HNF4G: variants seen among roughly 807,000 people sequenced by gnomAD.
The protein encoded by HNF4G is hepatocyte nuclear factor 4 gamma.
A neutral mutation model predicts 50.9 loss-of-function variants in HNF4G; 21 were observed. The observed-to-expected ratio is 0.41, with a 90% CI of 0.29 to 0.59. The LOEUF (loss-of-function observed/expected upper bound fraction) is 0.59, where lower values mean the gene tolerates loss of function less well. HNF4G is among the 20% of genes least tolerant of loss of function. The pLI, the probability that HNF4G is intolerant of heterozygous loss-of-function variation, is 0.26. For missense variants in HNF4G, 527 were observed against 559.4 expected (o/e 0.94, Z 0.58); for synonymous variants, 198 against 185.6 (o/e 1.07, Z -0.54).
At chr8:75,449,013 G>A (rs1339246441) in intron 1 of HNF4G, among the ~76,000 whole-genome samples, 1 of 152,116 alleles carries the variant, frequency 6.6e-6, no homozygotes, top group Non-Finnish European at 1.5e-5. Context: ...GAGATTTGGG[G>A]GGGTATAGCA....
At chr8:75,537,607 G>A (rs1305670290), upstream of HNF4G, among the ~76,000 whole-genome samples, 2 of 151,956 alleles carry the variant, frequency 1.3e-5, no homozygotes, top group African/African-American at 4.8e-5. Context: ...GTAGATAAAA[G>A]CAAATCGACT....
chr8:75,461,925 TATA>T lies in HNF4G; in HGVS notation c.-143-28163_-143-28161del, dbSNP rs1161197630. On this transcript the variant is annotated intron_variant, in intron 1 of 10. Coordinates refer to the HNF4G transcript ENST00000354370. The stretch of plus-strand genomic sequence containing the variant: ...AAATATAAATATATATATATATATA[TATA>T]TTTTTTTAGATGGAGTTTTGCTCTT... Among the ~76,000 whole-genome samples, 689 of 145,502 alleles carry T rather than the reference TATA, an allele frequency of 4.7e-3. 2 individuals are homozygous for T. Among genetic ancestry groups the T allele is most frequent in the African/African-American group, 0.016 (623 of 40,052 alleles).
chr8:75,497,751 T>C (rs959989205), intron 2 of HNF4G, among the ~76,000 whole-genome samples: 6 of 152,024 alleles, frequency 3.9e-5, no homozygotes, highest in Non-Finnish European at 7.4e-5. Context: ...CAAATCATTA[T>C]AAGATTCCTA....
intron 1 of HNF4G, among the ~76,000 whole-genome samples, chr8:75,455,988 G>A (rs976300166): frequency 1.3e-5 from 2 of 152,092 alleles, no homozygotes; most frequent in African/African-American, 2.4e-5. Context: ...AGAGCTAGCT[G>A]CAACAAGTTA....
intron 2 of HNF4G, among the ~76,000 whole-genome samples, chr8:75,545,879 T>G (rs971073768): frequency 4.6e-5 from 7 of 152,112 alleles, no homozygotes; most frequent in African/African-American, 1.7e-4. Flanking sequence ...AATTTAATGT[T>G]AATTGAATGC....
At chr8:75,445,192 C>T (rs1811395731) in intron 1 of HNF4G, among the ~76,000 whole-genome samples, 2 of 108,302 alleles carry the variant, frequency 1.8e-5, no homozygotes, top group African/African-American at 3.8e-5. Flanking sequence ...GGGTACATAA[C>T]GAAATGAAGG....
chr8:75,451,526 T>C (rs989301716), intron 1 of HNF4G, among the ~76,000 whole-genome samples: 25 of 152,238 alleles, frequency 1.6e-4, no homozygotes, highest in Non-Finnish European at 4.4e-5. Context: ...GTAAATGGTA[T>C]GAGATGAAGG....
chr8:75,435,502 C>T (rs1447391262), intron 1 of HNF4G, among the ~76,000 whole-genome samples: 1 of 152,140 alleles, frequency 6.6e-6, no homozygotes, highest in African/African-American at 2.4e-5. Context: ...CCTGTTTTCA[C>T]CACATCAATT....
intron 8 of HNF4G, among the ~76,000 whole-genome samples, chr8:75,559,776 A>G (rs1309670943): frequency 5.3e-5 from 8 of 152,146 alleles, no homozygotes; most frequent in Non-Finnish European, 4.4e-5. Context: ...ATATATATAT[A>G]TACTATCTTA....
chr8:75,477,794 C>T (rs1461187200), intron 1 of HNF4G, among the ~76,000 whole-genome samples: 2 of 151,706 alleles, frequency 1.3e-5, no homozygotes, highest in Non-Finnish European at 2.9e-5. Context: ...ATGGAGAAAC[C>T]CCGTCTCTAC....
chr8:75,463,019 T>G (rs1316409419), intron 1 of HNF4G, among the ~76,000 whole-genome samples: 1 of 151,722 alleles, frequency 6.6e-6, no homozygotes, highest in East Asian at 1.9e-4. Context: ...CTGCTCAATG[T>G]GCTCTTTTTG....
At chr8:75,441,766 T>C (rs921723591) in intron 1 of HNF4G, among the ~76,000 whole-genome samples, 2 of 152,172 alleles carry the variant, frequency 1.3e-5, no homozygotes, top group African/African-American at 4.8e-5. Context: ...TCTGTACTTA[T>C]CCCATCACAA....
chr8:75,464,987 T>G (rs1811934713), intron 1 of HNF4G, among the ~76,000 whole-genome samples: 1 of 152,142 alleles, frequency 6.6e-6, no homozygotes, highest in East Asian at 1.9e-4. Flanking sequence ...CTTGTCTGGA[T>G]TAGGGTAGAA....
At chr8:75,499,057 G>T (rs916887799) in intron 2 of HNF4G, among the ~76,000 whole-genome samples, 4 of 151,934 alleles carry the variant, frequency 2.6e-5, no homozygotes, top group Non-Finnish European at 5.9e-5. Flanking sequence ...AGAAAGAAAA[G>T]GTGTCCAGAT....
intron 2 of HNF4G, among the ~76,000 whole-genome samples, chr8:75,491,441 C>G (rs1055763496): frequency 1.3e-5 from 2 of 151,764 alleles, no homozygotes; most frequent in Admixed American, 6.6e-5. Context: ...AGCACAAAAA[C>G]ACACTTCTAA....
At chr8:75,430,218 G>A (rs1044744033) in intron 1 of HNF4G, among the ~76,000 whole-genome samples, 4 of 152,012 alleles carry the variant, frequency 2.6e-5, no homozygotes, top group African/African-American at 9.7e-5. Context: ...CAGAGTCCAT[G>A]AACAGCATGA....
At position 75,425,750 on chromosome 8, in the gene HNF4G, G is replaced by C. The variant is rs955264037; in HGVS notation, c.-144+17588G>C. ...GCTGTGTATTTTTCTGTTGTTCTCT[G>C]GTATGCCATTGGATGAATATGCCAC... On this transcript the variant is annotated intron_variant, in intron 1 of 10. Transcript: ENST00000354370. 4.0e-5 allele frequency among the ~76,000 whole-genome samples: 6 copies of C among 151,734 alleles called. No individual in the cohort carries two copies. In the South Asian group the frequency reaches 1.3e-3, roughly 32 times the overall value.
intron 2 of HNF4G, among the ~76,000 whole-genome samples, chr8:75,528,002 C>G (rs1515014): frequency 0.8 from 121,729 of 152,188 alleles, 49,514 homozygotes; most frequent in African/African-American, 0.95. Flanking sequence ...TTGAATAAAG[C>G]CTTTAAACCT....
At chr8:75,506,860 C>A (rs1813090452) in intron 2 of HNF4G, among the ~76,000 whole-genome samples, 1 of 152,058 alleles carries the variant, frequency 6.6e-6, no homozygotes, top group South Asian at 2.1e-4. Context: ...ACAACAACAA[C>A]AACAACAACA....
Sources: allele counts gnomAD v4.1 joint callset (sites outside exome capture counted in the v4.1 genomes callset), GRCh38; gene constraint gnomAD v4.1.1; transcripts MANE v1.5; gene names NCBI Gene and HGNC (gene_info 2026-07-23, HGNC 2026-07-21).